Variants in DERL1 observed in about 807,000 individuals in gnomAD.
DERL1 encodes derlin 1, also known as derlin-1.
A neutral mutation model predicts 41.6 loss-of-function variants in DERL1; 24 were observed. That is an observed-to-expected ratio of 0.58 (90% CI 0.42 to 0.81). DERL1 has a LOEUF of 0.81. Ranked by LOEUF, DERL1 falls within the 30% of genes least tolerant of loss-of-function variation. DERL1 has a pLI of 0.00. For missense variants in DERL1, 260 were observed against 314.3 expected (o/e 0.83, Z 1.31); for synonymous variants, 124 against 112.5 (o/e 1.10, Z -0.65).
At chr8:123,018,741 A>G in intron 7 of DERL1, 1 of 195,050 alleles carries the variant, frequency 5.1e-6, no homozygotes. Flanking sequence ...AGTCCTGTAA[A>G]ATGTCTACTC....
At position 123,014,475 on chromosome 8, in the gene DERL1, C is replaced by G. The variant is rs777163838; in HGVS notation, c.*972G>C. On this transcript the variant is annotated 3_prime_UTR_variant, in exon 8 of 8. Transcript: ENST00000259512. Reference sequence around the variant, plus strand: ...AAATAGCGTATGAGGGTCTCTCCTCCTTTACTCAATGAACACATATCCAGA... The same window carrying G: ...AAATAGCGTATGAGGGTCTCTCCTCGTTTACTCAATGAACACATATCCAGA... The G allele has an allele frequency of 5.2e-5, 8 of 152,792 alleles. No individual in the cohort carries two copies. Among genetic ancestry groups the G allele is most frequent in the South Asian group, 2.1e-4 (1 of 4,832 alleles). The allele number at this position is 152,792 out of a possible 1,614,324, so 9.5% of individuals were successfully genotyped here.
At chr8:123,029,543 C>G (rs1812775599) in intron 2 of DERL1, among the ~76,000 whole-genome samples, 1 of 152,206 alleles carries the variant, frequency 6.6e-6, no homozygotes, top group African/African-American at 2.4e-5. Flanking sequence ...TCAGAGTTCT[C>G]TATCCTGAGG....
At chr8:123,031,836 A>G (rs777606935) in intron 1 of DERL1, among the ~76,000 whole-genome samples, 1 of 152,190 alleles carries the variant, frequency 6.6e-6, no homozygotes, top group Non-Finnish European at 1.5e-5. Context: ...ATATTCTTGT[A>G]TATCCTCTTT....
In DERL1 at chr8:123,015,787, T is replaced by C. The variant is rs563321998; in HGVS notation, c.618-202A>G. On this transcript the variant is annotated intron_variant, in intron 7 of 7. Coordinates refer to ENST00000259512, the MANE Select transcript of DERL1 (RefSeq NM_024295.6). Reference sequence around the variant, plus strand: ...GACCACAGACGGCATTCGTTTTTCATGTTTCTTAAATGTATTCAGATTTCA... The same window carrying C: ...GACCACAGACGGCATTCGTTTTTCACGTTTCTTAAATGTATTCAGATTTCA... 5 of 527,288 alleles carry C rather than the reference T, an allele frequency of 9.5e-6. No homozygotes were observed. In the East Asian group the frequency reaches 1.0e-4, roughly 11 times the overall value. The allele number at this position is 527,288 out of a possible 1,614,324, so 32.7% of individuals were successfully genotyped here.
At chr8:123,029,842 T>C (rs1001127720) in intron 2 of DERL1, among the ~76,000 whole-genome samples, 5 of 152,060 alleles carry the variant, frequency 3.3e-5, no homozygotes, top group Admixed American at 2.6e-4. Flanking sequence ...GACAGATCAC[T>C]TGAGGTCAGG....
chr8:123,040,194 G>A (rs1415233157), intron 1 of DERL1, among the ~76,000 whole-genome samples: 1 of 152,062 alleles, frequency 6.6e-6, no homozygotes, highest in Non-Finnish European at 1.5e-5. Context: ...CTCCAGCCTG[G>A]GCAACAGAGC....
rs1160070850 is a variant in DERL1 at position 123,042,292 on chromosome 8, G to A, written c.-170C>T. 2 of 920,032 alleles carry A rather than the reference G, an allele frequency of 2.2e-6. No homozygotes were observed. The highest frequency in any genetic ancestry group is 2.7e-4 in the Middle Eastern group (1 of 3,710). 57.0% of individuals were successfully genotyped at this position (920,032 alleles called of 1,614,324 possible). On this transcript the variant is annotated 5_prime_UTR_variant, in exon 1 of 8. Transcript: ENST00000259512. ...GGCGCCACCGAATTCGGACCAGCGA[G>A]GCAGCCTTCTGAGGCGAAACTTCCC...
At chr8:123,029,635 T>G (rs1473767017) in intron 2 of DERL1, among the ~76,000 whole-genome samples, 1 of 152,220 alleles carries the variant, frequency 6.6e-6, no homozygotes, top group African/African-American at 2.4e-5. Flanking sequence ...TATATCCATA[T>G]TGTAACACAG....
intron 6 of DERL1, among the ~76,000 whole-genome samples, chr8:123,020,536 G>C (rs1405351975): frequency 6.6e-6 from 1 of 152,010 alleles, no homozygotes; most frequent in African/African-American, 2.4e-5. Context: ...GGAGTTCTTA[G>C]AGAAGTTGCA....
chr8:123,039,827 C>G (rs1813004790), intron 1 of DERL1, among the ~76,000 whole-genome samples: 1 of 152,208 alleles, frequency 6.6e-6, no homozygotes, highest in Non-Finnish European at 1.5e-5. Context: ...AGGCACTATT[C>G]CAGGTAACAA....
intron 1 of DERL1, among the ~76,000 whole-genome samples, chr8:123,041,586 C>G (rs969230395): frequency 1.3e-5 from 2 of 152,228 alleles, no homozygotes; most frequent in Non-Finnish European, 2.9e-5. Flanking sequence ...TTGACACCTA[C>G]AGGCCACCCA....
chr8:123,027,938 T>G (rs1231669982), intron 2 of DERL1, among the ~76,000 whole-genome samples: 2 of 152,064 alleles, frequency 1.3e-5, no homozygotes, highest in Non-Finnish European at 2.9e-5. Context: ...GGCATGCACC[T>G]GTAATCCCAG....
intron 7 of DERL1, chr8:123,017,700 T>C (rs1814612831): frequency 6.6e-6 from 1 of 152,180 alleles, no homozygotes; most frequent in African/African-American, 2.4e-5. Context: ...TTGTATCCTG[T>C]GTTGCCCACA....
At chr8:123,028,102 C>A (rs189232853) in intron 2 of DERL1, among the ~76,000 whole-genome samples, 128 of 148,664 alleles carry the variant, frequency 8.6e-4, no homozygotes, top group Middle Eastern at 7.2e-3. Context: ...GGAATTATTG[C>A]AATTTAGGTT....
chr8:123,025,036 T>G lies in DERL1; in HGVS notation c.280A>C (p.Arg94=), dbSNP rs151312681. 1.2e-5 allele frequency: 20 copies of G among 1,613,556 alleles called. No homozygotes were observed. The highest frequency in any genetic ancestry group is 1.6e-4 in the Middle Eastern group (1 of 6,084). Residue 94 remains arginine, a synonymous_variant, in exon 3 of 8, where the codon AGG becomes CGG. Transcript: ENST00000259512. ...TRLETGAFDG[R]PADYLFMLLF... ...AGCATGAATAAATAGTCTGCTGGCC[T>G]CCCATCAAAAGCTCCTGGAAACAAA...
At chr8:123,028,518 T>G (rs781753229) in intron 2 of DERL1, among the ~76,000 whole-genome samples, 22 of 152,136 alleles carry the variant, frequency 1.4e-4, no homozygotes, top group Non-Finnish European at 2.8e-4. Flanking sequence ...TGTTCTGGAA[T>G]TAGATTGTGG....
At chr8:123,022,043 T>C (rs190508203) in intron 5 of DERL1, among the ~76,000 whole-genome samples, 40 of 152,268 alleles carry the variant, frequency 2.6e-4, no homozygotes, top group Admixed American at 1.4e-3. Flanking sequence ...CAAGACATCA[T>C]ACCAAGAGCT....
chr8:123,030,602 T>C lies in DERL1; in HGVS notation c.265+3A>G, dbSNP rs377046645. On this transcript the variant is annotated splice_donor_region_variant and intron_variant, in intron 2 of 7. Coordinates refer to ENST00000259512, the MANE Select transcript of DERL1 (RefSeq NM_024295.6). The stretch of plus-strand genomic sequence containing the variant: ...ATGCTTAAAACAACTATGGGTAACA[T>C]ACCTGTTTCAAGTCGCGTAGAATAC... 1.3e-6 allele frequency: 2 copies of C among 1,565,752 alleles called. No homozygotes were observed. The highest frequency in any genetic ancestry group is 1.7e-6 in the Non-Finnish European group (2 of 1,143,522).
intron 1 of DERL1, among the ~76,000 whole-genome samples, chr8:123,038,151 G>A (rs1812967165): frequency 6.6e-6 from 1 of 152,172 alleles, no homozygotes; most frequent in Non-Finnish European, 1.5e-5. Context: ...AGCTGAGGAG[G>A]AAAAATAACT....
Sources: gnomAD v4.1 joint callset for allele counts (sites outside exome capture counted in the v4.1 genomes callset) on GRCh38, gnomAD v4.1.1 for gene constraint, MANE v1.5 for transcripts, NCBI Gene and HGNC (gene_info 2026-07-23, HGNC 2026-07-21) for gene names.